Variants in TMEFF2 observed in about 807,000 individuals in gnomAD.
TMEFF2 encodes the protein tomoregulin-2.
In TMEFF2, 28 loss-of-function variants were observed where a neutral mutation model predicts 53.8. The observed-to-expected ratio is 0.52, with a 90% CI of 0.39 to 0.71. The LOEUF is 0.71. TMEFF2 is among the 30% of genes least tolerant of loss of function. The pLI is 0.00. For synonymous variants in TMEFF2, 162 were observed against 166.3 expected, an observed-to-expected ratio of 0.97 and a Z score of 0.20; for missense variants, 353 against 455.2, an observed-to-expected ratio of 0.78 and a Z score of 2.04.
Position 192,134,422 on chromosome 2 carries a change from G to A in TMEFF2, c.439+45246C>T, listed in dbSNP as rs1406099861. Among the ~76,000 whole-genome samples, 9 of 151,958 alleles carry A rather than the reference G, an allele frequency of 5.9e-5. No individual in the cohort carries two copies. The East Asian group carries it at 9.7e-4, about 16-fold the overall frequency. ...GATGGCAGTTCCACCAGGCCTAATC[G>A]CCACACACCAGCAAAGGCAGGCCAT... On this transcript the variant is annotated intron_variant, in intron 4 of 9. Transcript: ENST00000272771.
chr2:192,186,947 C>T (rs976100163), intron 2 of TMEFF2, among the ~76,000 whole-genome samples: 1 of 152,090 alleles, frequency 6.6e-6, no homozygotes, highest in Non-Finnish European at 1.5e-5. Context: ...CTGAGGGATG[C>T]AGTAAGCCAA....
chr2:191,993,018 T>C (rs1054029924), intron 7 of TMEFF2, among the ~76,000 whole-genome samples: 1 of 152,074 alleles, frequency 6.6e-6, no homozygotes, highest in Admixed American at 6.6e-5. Flanking sequence ...CTTAGTTCTA[T>C]CACATTCTCT....
At chr2:192,007,061 C>T (rs1004594475) in intron 5 of TMEFF2, among the ~76,000 whole-genome samples, 6 of 152,154 alleles carry the variant, frequency 3.9e-5, no homozygotes, top group African/African-American at 1.4e-4. Flanking sequence ...GTTTGCATCC[C>T]CTATTGAGAA....
chr2:191,957,340 T>C (rs1373889446), intron 7 of TMEFF2, among the ~76,000 whole-genome samples: 4 of 152,186 alleles, frequency 2.6e-5, no homozygotes, highest in Admixed American at 2.6e-4. Flanking sequence ...ATGAGAAATA[T>C]AGCTTTTATG....
intron 4 of TMEFF2, among the ~76,000 whole-genome samples, chr2:192,073,482 T>C (rs1688337844): frequency 2.0e-5 from 3 of 151,880 alleles, no homozygotes; most frequent in Non-Finnish European, 4.4e-5. Flanking sequence ...AACTCAAGAC[T>C]ATATATCATC....
At chr2:192,129,106 T>C (rs1386233901) in intron 4 of TMEFF2, among the ~76,000 whole-genome samples, 1 of 152,210 alleles carries the variant, frequency 6.6e-6, no homozygotes, top group Admixed American at 6.5e-5. Flanking sequence ...ATTCTAGCTC[T>C]GGTGCCAGTT....
intron 4 of TMEFF2, among the ~76,000 whole-genome samples, chr2:192,174,572 A>G (rs924567674): frequency 1.3e-5 from 2 of 151,754 alleles, no homozygotes; most frequent in African/African-American, 4.8e-5. Flanking sequence ...CTGAGATAAG[A>G]TTTCAATTGA....
At chr2:191,953,280 T>G (rs555576148) in intron 9 of TMEFF2, among the ~76,000 whole-genome samples, 1 of 152,358 alleles carries the variant, frequency 6.6e-6, no homozygotes, top group Non-Finnish European at 1.5e-5. Flanking sequence ...AGGTTTTCAT[T>G]TACCATAAAA....
chr2:191,958,020 C>A (rs2105789357), intron 7 of TMEFF2, among the ~76,000 whole-genome samples: 1 of 152,262 alleles, frequency 6.6e-6, no homozygotes, highest in South Asian at 2.1e-4. Context: ...AGCAAATACA[C>A]CAAAATTAAA....
intron 7 of TMEFF2, among the ~76,000 whole-genome samples, chr2:191,969,786 C>T (rs1692582769): frequency 1.3e-5 from 2 of 152,130 alleles, no homozygotes; most frequent in Admixed American, 1.3e-4. Flanking sequence ...CATCTCTTCT[C>T]ATAGTCAGGA....
chr2:192,059,422 T>G (rs1687991273), intron 4 of TMEFF2, among the ~76,000 whole-genome samples: 1 of 152,174 alleles, frequency 6.6e-6, no homozygotes, highest in South Asian at 2.1e-4. Flanking sequence ...GGGCCTCATC[T>G]CAGGGGAGAC....
intron 4 of TMEFF2, among the ~76,000 whole-genome samples, chr2:192,132,156 C>A (rs545823875): frequency 2.6e-5 from 4 of 152,270 alleles, no homozygotes; most frequent in African/African-American, 9.6e-5. Flanking sequence ...CGCTCCTCCA[C>A]CCTGTAATCT....
At chr2:192,037,620 GAGAGAGGAGAGAAAGAGAGAGAA>G (rs1272845584) in intron 5 of TMEFF2, among the ~76,000 whole-genome samples, 3,145 of 98,478 alleles carry the variant, frequency 0.032, 42 homozygotes, top group African/African-American at 0.06. Context: ...GAGAGAAAGA[GAGAGAGGAGAGAAAGAGAGAGAA>G]AGAGAGAGAG....
chr2:192,014,569 A>G (rs1383190856), intron 5 of TMEFF2, among the ~76,000 whole-genome samples: 2 of 152,162 alleles, frequency 1.3e-5, no homozygotes, highest in East Asian at 1.9e-4. Flanking sequence ...GAGGTGGAAA[A>G]TGATTGAAGG....
At chr2:191,951,831 A>G (rs1477756912) in intron 9 of TMEFF2, among the ~76,000 whole-genome samples, 2 of 152,198 alleles carry the variant, frequency 1.3e-5, no homozygotes, top group South Asian at 2.1e-4. Context: ...TTTATGTGCT[A>G]TGCCTTCCCC....
intron 5 of TMEFF2, among the ~76,000 whole-genome samples, chr2:192,034,003 A>G (rs1285575894): frequency 6.6e-6 from 1 of 151,768 alleles, no homozygotes; most frequent in East Asian, 1.9e-4. Context: ...GTGAAACCCC[A>G]TCTCTACTAA....
chr2:192,189,061 AC>A (rs1469995726), intron 2 of TMEFF2, among the ~76,000 whole-genome samples: 2 of 152,074 alleles, frequency 1.3e-5, no homozygotes, highest in African/African-American at 4.8e-5. Flanking sequence ...CAATTATCTC[AC>A]CGGGTTGTGA....
At chr2:192,137,683 A>G (rs1396667532) in intron 4 of TMEFF2, among the ~76,000 whole-genome samples, 1 of 151,934 alleles carries the variant, frequency 6.6e-6, no homozygotes, top group Non-Finnish European at 1.5e-5. Flanking sequence ...GTCAGACTAT[A>G]GGAAAGGCCT....
chr2:192,076,955 C>T (rs1303595161), intron 4 of TMEFF2, among the ~76,000 whole-genome samples: 3 of 152,160 alleles, frequency 2.0e-5, no homozygotes, highest in Non-Finnish European at 4.4e-5. Context: ...ATGGGACAAT[C>T]CGAGCTTCAG....
Sources: gnomAD v4.1 joint callset for allele counts (sites outside exome capture counted in the v4.1 genomes callset) on GRCh38, gnomAD v4.1.1 for gene constraint, MANE v1.5 for transcripts, NCBI Gene and HGNC (gene_info 2026-07-23, HGNC 2026-07-21) for gene names.